Variants in PCDHA1 observed in about 807,000 individuals in gnomAD.
PCDHA1 encodes the protein protocadherin alpha 1.
PCDHA1 carries 42 observed loss-of-function variants against 61.3 expected under a neutral mutation model. That is an observed-to-expected ratio of 0.69 (90% CI 0.54 to 0.89). The LOEUF (loss-of-function observed/expected upper bound fraction) is 0.89, where lower values mean the gene tolerates loss of function less well. PCDHA1 is among the 40% of genes least tolerant of loss of function. PCDHA1 has a pLI of 0.00. For missense variants in PCDHA1, 1,256 were observed against 1,235.3 expected (o/e 1.02, Z -0.25); for synonymous variants, 610 against 553.8 (o/e 1.10, Z -1.43).
chr5:140,885,941 T>G (rs2060783691), intron 1 of PCDHA1, among the ~76,000 whole-genome samples: 1 of 152,196 alleles, frequency 6.6e-6, no homozygotes, highest in Non-Finnish European at 1.5e-5. Flanking sequence ...TTTTTTGACA[T>G]TTTTAATTAA....
chr5:140,967,021 C>G, intron 1 of PCDHA1: 2 of 1,607,830 alleles, frequency 1.2e-6, no homozygotes, highest in Non-Finnish European at 1.7e-6. Context: ...TGGGTGCGCC[C>G]AGTCCGCGCT....
In PCDHA1 at chr5:141,010,428, A is replaced by G. The variant is rs2098417264; in HGVS notation, c.*491A>G. The G allele has an allele frequency of 9.2e-7, 1 of 1,087,372 alleles. No individual in the cohort carries two copies. Among genetic ancestry groups the G allele is most frequent in the East Asian group, 2.6e-5 (1 of 38,240 alleles). 67.4% of individuals were successfully genotyped at this position (1,087,372 alleles called of 1,614,324 possible). ...GACTAATTGGTACAAGGAAGGCAAG[A>G]AAACAAAGACAAATAAACAGCGGAA... On this transcript the variant is annotated 3_prime_UTR_variant, in exon 4 of 4. Transcript: ENST00000504120.
chr5:140,951,545 G>C (rs1019007635), intron 1 of PCDHA1, among the ~76,000 whole-genome samples: 2 of 151,950 alleles, frequency 1.3e-5, no homozygotes, highest in Admixed American at 6.6e-5. Context: ...GCAAGGGACG[G>C]GGGGAAGTGC....
chr5:140,884,241 C>G lies in PCDHA1; in HGVS notation c.2395-94708C>G, dbSNP rs782355331. 3.7e-6 allele frequency: 6 copies of G among 1,613,408 alleles called. No homozygotes were observed. The South Asian group carries it at 4.4e-5, about 12-fold the overall frequency. ...CTGGTGAAGGACCACGGTGAGCCCG[C>G]GCTGACGGCCACGGCAACGGTGCTG... On this transcript the variant is annotated intron_variant, in intron 1 of 3. Coordinates refer to ENST00000504120, the MANE Select transcript of PCDHA1 (RefSeq NM_018900.4).
chr5:140,849,758 C>A (rs2150448460), intron 1 of PCDHA1: 1 of 1,598,492 alleles, frequency 6.3e-7, no homozygotes, highest in Non-Finnish European at 8.6e-7. Context: ...TGTCCGCCTA[C>A]GAGCTGGTGG....
chr5:140,899,550 A>C (rs932403675), intron 1 of PCDHA1, among the ~76,000 whole-genome samples: 1 of 152,176 alleles, frequency 6.6e-6, no homozygotes, highest in Admixed American at 6.5e-5. Flanking sequence ...ATGGTGGATA[A>C]GCTTTTTGAT....
At position 140,786,931 on chromosome 5, in the gene PCDHA1, C is replaced by T. The variant is rs969545572; in HGVS notation, c.641C>T (p.Ala214Val). 2 of 1,614,034 alleles carry T rather than the reference C, an allele frequency of 1.2e-6. No individual in the cohort carries two copies. The highest frequency in any genetic ancestry group is 2.7e-5 in the African/African-American group (2 of 74,928). The change falls in exon 1 of 4, where the codon GCC becomes GTC. Residue 214 changes from alanine to valine, a missense_variant. Physicochemically the swap from Ala to Val is moderately conservative, Grantham distance 64 (BLOSUM62 0). Coordinates refer to ENST00000504120, the MANE Select transcript of PCDHA1 (RefSeq NM_018900.4). Reference sequence around the variant, plus strand: ...CCAGAACTTCACTTATTACTGACTGCCACTGATGGGGGCAAACCGGAGCTG... The same window carrying T: ...CCAGAACTTCACTTATTACTGACTGTCACTGATGGGGGCAAACCGGAGCTG... ...ETPELHLLLT[A>V]TDGGKPELQG...
In PCDHA1 at chr5:140,964,303, C is replaced by T. The variant is rs947126454; in HGVS notation, c.2395-14646C>T. Among the ~76,000 whole-genome samples the T allele has an allele frequency of 9.2e-5, 14 of 152,208 alleles. 1 individual carries two copies. Among genetic ancestry groups the T allele is most frequent in the Non-Finnish European group, 2.9e-5 (2 of 68,038 alleles). On this transcript the variant is annotated intron_variant, in intron 1 of 3. Coordinates refer to ENST00000504120, the MANE Select transcript of PCDHA1 (RefSeq NM_018900.4). ...AATTCTAGCTGGAGCTAAATACCTA[C>T]AAGGCCTAAAACAGCATAATGGACA... is the stretch of plus-strand genomic sequence containing the variant.
chr5:140,796,782 G>A (rs782022639), intron 1 of PCDHA1: 5 of 1,614,152 alleles, frequency 3.1e-6, no homozygotes, highest in Non-Finnish European at 4.2e-6. Flanking sequence ...ACAACGCGTG[G>A]CTTTCGTACG....
rs2150277995 is a variant in PCDHA1, at chr5:140,837,636, T to C, written c.2394+48952T>C. On this transcript the variant is annotated intron_variant, in intron 1 of 3. Coordinates refer to ENST00000504120, the MANE Select transcript of PCDHA1 (RefSeq NM_018900.4). ...TTGCCCCTTCCTTCCTTCCTTCCTTTCTTTCTTTCTTTCTTCCTTTTTCTT... is the reference window on the plus strand; with the variant it reads ...TTGCCCCTTCCTTCCTTCCTTCCTTCCTTTCTTTCTTTCTTCCTTTTTCTT... Among the ~76,000 whole-genome samples the C allele has an allele frequency of 1.4e-3, 182 of 134,336 alleles. 3 individuals are homozygous for C. Among genetic ancestry groups the C allele is most frequent in the African/African-American group, 3.6e-3 (92 of 25,542 alleles). The allele number at this position is 134,336 out of a possible 152,430, so 88.1% of individuals were successfully genotyped here.
intron 1 of PCDHA1, chr5:140,871,181 T>C (rs782405877): frequency 6.2e-7 from 1 of 1,613,552 alleles, no homozygotes; most frequent in Admixed American, 1.7e-5. Flanking sequence ...GCTGCGCTGG[T>C]GGATGTCAAC....
At chr5:140,901,952 C>T (rs1427349795) in intron 1 of PCDHA1, among the ~76,000 whole-genome samples, 6 of 151,888 alleles carry the variant, frequency 4.0e-5, no homozygotes, top group Non-Finnish European at 8.8e-5. Context: ...TAGTTTTATT[C>T]GTGGCTATCG....
chr5:140,803,471 G>A (rs1763210316), intron 1 of PCDHA1: 1 of 1,614,266 alleles, frequency 6.2e-7, no homozygotes. Context: ...AGCAGAGGGT[G>A]TGCTCTGGAG....
rs1554174004 is a variant in PCDHA1, at chr5:140,882,408, G to C, written c.2394+93724G>C. On this transcript the variant is annotated intron_variant, in intron 1 of 3. Coordinates refer to ENST00000504120, the MANE Select transcript of PCDHA1 (RefSeq NM_018900.4). Reference sequence around the variant, plus strand: ...GCAAAACACGGCACCTTCGTGGGCCGCATCGCTCAGGACCTGGGGCTGGAG... The same window carrying C: ...GCAAAACACGGCACCTTCGTGGGCCCCATCGCTCAGGACCTGGGGCTGGAG... The C allele has an allele frequency of 3.1e-6, 5 of 1,614,138 alleles. No homozygotes were observed. The highest frequency in any genetic ancestry group is 3.3e-5 in the Admixed American group (2 of 60,036).
intron 1 of PCDHA1, among the ~76,000 whole-genome samples, chr5:140,935,364 G>A (rs1480423579): frequency 2.0e-5 from 3 of 152,008 alleles, no homozygotes; most frequent in African/African-American, 4.8e-5. Flanking sequence ...TTTCATTAAC[G>A]TCAACAGAAT....
chr5:140,808,344 C>T, intron 1 of PCDHA1: 1 of 1,614,268 alleles, frequency 6.2e-7, no homozygotes. Context: ...GGGCTGGTCA[C>T]CTGCTCCTTG....
At chr5:140,932,728 T>C (rs2088582843) in intron 1 of PCDHA1, among the ~76,000 whole-genome samples, 1 of 151,886 alleles carries the variant, frequency 6.6e-6, no homozygotes, top group African/African-American at 2.4e-5. Context: ...TTGTATAATA[T>C]AGACCCTCAA....
At chr5:140,823,033 T>C (rs2150121550) in intron 1 of PCDHA1, 1 of 1,614,218 alleles carries the variant, frequency 6.2e-7, no homozygotes, top group South Asian at 1.1e-5. Flanking sequence ...CGTGTCGGTC[T>C]ATGAGCTGGT....
chr5:140,950,738 T>C (rs900517873), intron 1 of PCDHA1, among the ~76,000 whole-genome samples: 5 of 152,150 alleles, frequency 3.3e-5, no homozygotes, highest in African/African-American at 7.2e-5. Flanking sequence ...TTAATCCTAA[T>C]TTCTCTCTAT....
Sources: allele counts gnomAD v4.1 joint callset (sites outside exome capture counted in the v4.1 genomes callset), GRCh38; gene constraint gnomAD v4.1.1; transcripts MANE v1.5; gene names NCBI Gene and HGNC (gene_info 2026-07-23, HGNC 2026-07-21).